Variants in AIG1 observed in about 807,000 individuals in gnomAD.
AIG1 encodes androgen-induced gene 1 protein.
Under a neutral mutation model 31.4 loss-of-function variants are expected in AIG1, and 23 were observed. The ratio of observed to expected loss-of-function variants is 0.73; its 90% CI spans 0.53 to 1.04. The LOEUF (loss-of-function observed/expected upper bound fraction) is 1.04, where lower values mean the gene tolerates loss of function less well. AIG1 is among the 50% of genes least tolerant of loss of function. The pLI is 0.00. For missense variants in AIG1, 274 were observed against 295.0 expected, an observed-to-expected ratio of 0.93 and a Z score of 0.52; for synonymous variants, 100 against 110.5, an observed-to-expected ratio of 0.90 and a Z score of 0.60.
intron 3 of AIG1, among the ~76,000 whole-genome samples, chr6:143,257,413 C>A (rs1448101708): frequency 6.6e-6 from 1 of 152,086 alleles, no homozygotes; most frequent in Non-Finnish European, 1.5e-5. Flanking sequence ...CTTTAAAAAT[C>A]AAATTAAACT....
intron 3 of AIG1, among the ~76,000 whole-genome samples, chr6:143,217,247 G>A (rs1157681483): frequency 1.3e-5 from 2 of 151,954 alleles, no homozygotes; most frequent in South Asian, 2.1e-4. Context: ...GTGTTTTTTT[G>A]TTGTTGTGTT....
intron 2 of AIG1, among the ~76,000 whole-genome samples, chr6:143,137,847 A>G (rs1442295029): frequency 6.6e-6 from 1 of 152,202 alleles, no homozygotes; most frequent in African/African-American, 2.4e-5. Context: ...TATTTAATTC[A>G]AATTCAGACC....
intron 3 of AIG1, among the ~76,000 whole-genome samples, chr6:143,237,289 T>A (rs1793880133): frequency 6.6e-6 from 1 of 152,250 alleles, no homozygotes; most frequent in Non-Finnish European, 1.5e-5. Flanking sequence ...GCTGGACCCT[T>A]GTCTCTTGAA....
intron 3 of AIG1, among the ~76,000 whole-genome samples, chr6:143,264,531 A>G (rs927525191): frequency 2.0e-5 from 3 of 152,172 alleles, no homozygotes; most frequent in Non-Finnish European, 4.4e-5. Flanking sequence ...ATGGTGGATG[A>G]AGTGTGGCCA....
intron 4 of AIG1, among the ~76,000 whole-genome samples, chr6:143,296,652 GTT>G (rs1276108216): frequency 6.6e-6 from 1 of 152,170 alleles, no homozygotes; most frequent in Non-Finnish European, 1.5e-5. Context: ...CAGATGAAGA[GTT>G]ATCTGTGCCA....
At chr6:143,143,528 A>AAAATATATATATAT (rs1554249782) in intron 2 of AIG1, among the ~76,000 whole-genome samples, 1 of 27,788 alleles carries the variant, frequency 3.6e-5, no homozygotes, top group Non-Finnish European at 7.9e-5. Flanking sequence ...AAAAAAAAAA[A>AAAATATATATATAT]ATATATATAT....
rs926088269 is a variant in AIG1, at chr6:143,326,323, C to T, written c.516-6959C>T. On this transcript the variant is annotated intron_variant, in intron 4 of 5. Transcript: ENST00000357847. The surrounding 1 kb of genome is among the most constrained non-coding windows in gnomAD (Gnocchi z 4.5). ...TGTTCTCTTCTTGAACTTCTGGGAG[C>T]GTTCTCTTGTTCTCAGTTCTTTAGA... Among the ~76,000 whole-genome samples the T allele has an allele frequency of 2.0e-5, 3 of 152,200 alleles. No individual in the cohort carries two copies. Among genetic ancestry groups the T allele is most frequent in the East Asian group, 3.8e-4 (2 of 5,196 alleles).
intron 4 of AIG1, among the ~76,000 whole-genome samples, chr6:143,286,505 G>A (rs200610091): frequency 4.6e-5 from 7 of 152,232 alleles, no homozygotes; most frequent in Non-Finnish European, 8.8e-5. Context: ...TGGCCCTCAC[G>A]TCATGTCCCA....
chr6:143,165,118 GAC>G lies in AIG1; in HGVS notation c.336_337del (p.Asp112GlufsTer11). The G allele has an allele frequency of 6.2e-7, 1 of 1,613,568 alleles. No homozygotes were observed. The highest frequency in any genetic ancestry group is 8.5e-7 in the Non-Finnish European group (1 of 1,179,620). ...AGTGTTCTGGATCATTTATGCCTAT[GAC>G]AGAGAGATGATATACCCGAAGCTGC... ...VAVFWIIYAY[D>X]REMIYPKLLD... On this transcript the variant is annotated frameshift_variant, in exon 3 of 6. Transcript: ENST00000357847. LOFTEE classifies it high-confidence loss of function.
rs1156873769 is a variant in AIG1, at chr6:143,325,568, T to C, written c.516-7714T>C. ...TCCCTCTCTCAGGAAATGGCAGCTGTTTCCACCCTGCTAATCAAGCCAGGA... is the reference window on the plus strand; with the variant it reads ...TCCCTCTCTCAGGAAATGGCAGCTGCTTCCACCCTGCTAATCAAGCCAGGA... On this transcript the variant is annotated intron_variant, in intron 4 of 5. Coordinates refer to ENST00000357847, the MANE Select transcript of AIG1 (RefSeq NM_016108.4). This position sits in a 1 kb window ranked among gnomAD's most constrained non-coding sequence, Gnocchi z 4.3. Among the ~76,000 whole-genome samples the C allele has an allele frequency of 6.6e-6, 1 of 152,194 alleles. No homozygotes were observed. The highest frequency in any genetic ancestry group is 1.5e-5 in the Non-Finnish European group (1 of 68,030).
intron 3 of AIG1, among the ~76,000 whole-genome samples, chr6:143,278,325 A>C (rs2128674334): frequency 6.6e-6 from 1 of 152,354 alleles, no homozygotes; most frequent in South Asian, 2.1e-4. Flanking sequence ...TTGCAAGATA[A>C]TTTATGTAGC....
In AIG1 at chr6:143,304,728, A is replaced by T. The variant is rs542285082; in HGVS notation, c.515+20503A>T. ...TCTGCCAGGCTTTGGTATCAGAATG[A>T]TGCTGGCCTCATAAAATGAGTTAGG... On this transcript the variant is annotated intron_variant, in intron 4 of 5. Coordinates refer to ENST00000357847, the MANE Select transcript of AIG1 (RefSeq NM_016108.4). 2.6e-5 allele frequency among the ~76,000 whole-genome samples: 4 copies of T among 151,572 alleles called. No homozygotes were observed. The South Asian group carries it at 8.4e-4, about 32-fold the overall frequency.
chr6:143,202,910 GC>G (rs1790816751), intron 3 of AIG1, among the ~76,000 whole-genome samples: 1 of 152,148 alleles, frequency 6.6e-6, no homozygotes. Context: ...AGTCAGAAGG[GC>G]CTTGATAACC....
chr6:143,234,066 T>C (rs1793637974), intron 3 of AIG1, among the ~76,000 whole-genome samples: 1 of 152,172 alleles, frequency 6.6e-6, no homozygotes, highest in South Asian at 2.1e-4. Context: ...TCCATGGTGC[T>C]TGAACGGCAG....
chr6:143,221,269 A>G (rs1792493638), intron 3 of AIG1, among the ~76,000 whole-genome samples: 1 of 152,206 alleles, frequency 6.6e-6, no homozygotes, highest in South Asian at 2.1e-4. Flanking sequence ...TACTATATCC[A>G]GTCCCCCCTC....
intron 1 of AIG1, among the ~76,000 whole-genome samples, chr6:143,075,631 T>C (rs1777668345): frequency 6.6e-6 from 1 of 152,174 alleles, no homozygotes; most frequent in Non-Finnish European, 1.5e-5. Flanking sequence ...CTTTTATTAT[T>C]TTCTTCCTTT....
At chr6:143,190,678 C>A in intron 3 of AIG1, 1 of 886,598 alleles carries the variant, frequency 1.1e-6, no homozygotes, top group Non-Finnish European at 1.4e-6. Context: ...CTTTCTCAAC[C>A]TGTATTCTAA....
At chr6:143,076,069 G>T (rs1026239996) in intron 1 of AIG1, among the ~76,000 whole-genome samples, 1 of 152,204 alleles carries the variant, frequency 6.6e-6, no homozygotes, top group African/African-American at 2.4e-5. Context: ...TTTCTTAAAT[G>T]TCAACTAGGA....
intron 3 of AIG1, among the ~76,000 whole-genome samples, chr6:143,166,766 A>G (rs903772310): frequency 3.3e-5 from 5 of 152,202 alleles, no homozygotes; most frequent in Non-Finnish European, 7.3e-5. Flanking sequence ...TGATTGTATC[A>G]TTAAATTTTC....
Sources: allele counts gnomAD v4.1 joint callset (sites outside exome capture counted in the v4.1 genomes callset), GRCh38; gene constraint gnomAD v4.1.1; non-coding constraint Gnocchi (gnomAD v3.1); transcripts MANE v1.5; gene names NCBI Gene and HGNC (gene_info 2026-07-23, HGNC 2026-07-21).